CAMK1D: variants seen among roughly 807,000 people sequenced by gnomAD.
The protein encoded by CAMK1D is calcium/calmodulin-dependent protein kinase type 1D.
In CAMK1D, 9 loss-of-function variants were observed where a neutral mutation model predicts 47.7. The observed-to-expected ratio is 0.19, with a 90% CI of 0.11 to 0.33. The LOEUF (loss-of-function observed/expected upper bound fraction) is 0.33, where lower values mean the gene tolerates loss of function less well. Ranked by LOEUF, CAMK1D falls within the 10% of genes least tolerant of loss-of-function variation. The pLI is 1.00. For synonymous variants in CAMK1D, 184 were observed against 184.9 expected (o/e 0.99, Z 0.04); for missense variants, 291 against 488.7 (o/e 0.60, Z 3.81).
At chr10:12,462,718 T>TAAA (rs1293282397) in intron 1 of CAMK1D, among the ~76,000 whole-genome samples, 1 of 152,110 alleles carries the variant, frequency 6.6e-6, no homozygotes, top group Non-Finnish European at 1.5e-5. Flanking sequence ...TAGAGATGGG[T>TAAA]TCTTGCTCTG....
At chr10:12,596,041 T>TA (rs1405511439) in intron 2 of CAMK1D, among the ~76,000 whole-genome samples, 1 of 151,508 alleles carries the variant, frequency 6.6e-6, no homozygotes, top group East Asian at 1.9e-4. Context: ...TGGCAAGCAG[T>TA]AAGACACCCT....
intron 1 of CAMK1D, among the ~76,000 whole-genome samples, chr10:12,429,056 T>TTGGCCAGGAATGGGGGTATGGTG (rs1840349018): frequency 1.3e-5 from 2 of 152,198 alleles, no homozygotes; most frequent in Non-Finnish European, 2.9e-5. Flanking sequence ...GACACTCACT[T>TTGGCCAGGAATGGGGGTATGGTG]TGGCCAGGAA....
chr10:12,804,887 A>G (rs924159187), intron 6 of CAMK1D, among the ~76,000 whole-genome samples: 2 of 133,580 alleles, frequency 1.5e-5, no homozygotes, highest in South Asian at 2.6e-4. Flanking sequence ...GCAGTGAGCT[A>G]TGATCATGCC....
At chr10:12,671,037 A>G (rs928993107) in intron 3 of CAMK1D, among the ~76,000 whole-genome samples, 11 of 152,146 alleles carry the variant, frequency 7.2e-5, no homozygotes, top group African/African-American at 2.7e-4. Context: ...TTTTCATATG[A>G]ATGGAATTAT....
intron 1 of CAMK1D, chr10:12,456,650 T>A (rs1484457635): frequency 6.6e-6 from 1 of 151,426 alleles, no homozygotes; most frequent in Non-Finnish European, 1.5e-5. Flanking sequence ...TGGCGGCACG[T>A]GCCTGTTGTC....
intron 2 of CAMK1D, among the ~76,000 whole-genome samples, chr10:12,580,331 T>C (rs1307940750): frequency 1.5e-5 from 2 of 137,662 alleles, no homozygotes; most frequent in Admixed American, 7.7e-5. Flanking sequence ...CCTCCCTCCC[T>C]TCCTTCCTTT....
At chr10:12,500,747 T>C (rs1346960294) in intron 1 of CAMK1D, among the ~76,000 whole-genome samples, 2 of 152,234 alleles carry the variant, frequency 1.3e-5, no homozygotes, top group Non-Finnish European at 2.9e-5. Flanking sequence ...TTATTAGACA[T>C]GAAGTGTGGA....
rs568977960 is a variant in CAMK1D, at chr10:12,453,753, C to G, written c.93-99472C>G. On this transcript the variant is annotated intron_variant, in intron 1 of 10. Transcript: ENST00000619168. ...TACCTGAACTGCTGGTTATCCAAAA[C>G]CCCTAAAGTTTTAAATGTAACAACT... is the stretch of plus-strand genomic sequence containing the variant. Among the ~76,000 whole-genome samples the G allele has an allele frequency of 1.1e-4, 16 of 152,320 alleles. 1 individual carries two copies. Among genetic ancestry groups the G allele is most frequent in the African/African-American group, 3.6e-4 (15 of 41,574 alleles).
intron 3 of CAMK1D, among the ~76,000 whole-genome samples, chr10:12,693,193 G>A (rs76412096): frequency 0.013 from 1,974 of 152,100 alleles, 52 homozygotes; most frequent in African/African-American, 0.045. Flanking sequence ...GTGAAACCGC[G>A]TCTCTATTAA....
intron 3 of CAMK1D, among the ~76,000 whole-genome samples, chr10:12,739,028 G>A (rs1235891863): frequency 1.3e-5 from 2 of 152,028 alleles, no homozygotes; most frequent in Admixed American, 1.3e-4. Flanking sequence ...CTTGAGCCGA[G>A]AAGTTTGAGA....
intron 9 of CAMK1D, among the ~76,000 whole-genome samples, chr10:12,825,297 A>C (rs12248432): frequency 0.035 from 5,196 of 147,918 alleles, 290 homozygotes; most frequent in African/African-American, 0.12. Flanking sequence ...CACATCTCTT[A>C]AATTACAGAG....
intron 1 of CAMK1D, among the ~76,000 whole-genome samples, chr10:12,544,441 A>C (rs1836294018): frequency 6.6e-6 from 1 of 152,240 alleles, no homozygotes; most frequent in African/African-American, 2.4e-5. Context: ...ACAAGGATGA[A>C]GGTTTATAGG....
At chr10:12,806,153 G>T (rs1218258530) in intron 6 of CAMK1D, among the ~76,000 whole-genome samples, 4 of 152,232 alleles carry the variant, frequency 2.6e-5, no homozygotes, top group African/African-American at 9.6e-5. Flanking sequence ...GATTGAGGAT[G>T]CAAGGCTTCC....
chr10:12,733,950 G>A lies in CAMK1D; in HGVS notation c.300-26998G>A, dbSNP rs187420714. Reference sequence around the variant, plus strand: ...CAAGTGAGATGATCACATCATAAGTGTCTCCAAGACTGTGGATGAAGCCCC... The same window carrying A: ...CAAGTGAGATGATCACATCATAAGTATCTCCAAGACTGTGGATGAAGCCCC... On this transcript the variant is annotated intron_variant, in intron 3 of 10. Transcript: ENST00000619168. 4.2e-3 allele frequency among the ~76,000 whole-genome samples: 646 copies of A among 152,188 alleles called. 4 individuals are homozygous for A. The highest frequency in any genetic ancestry group is 0.015 in the African/African-American group (616 of 41,506).
At chr10:12,376,378 A>C (rs1411885434) in intron 1 of CAMK1D, among the ~76,000 whole-genome samples, 3 of 151,936 alleles carry the variant, frequency 2.0e-5, no homozygotes, top group Non-Finnish European at 4.4e-5. Flanking sequence ...ATTTGAACCT[A>C]GATCTGTGTG....
chr10:12,506,692 G>A (rs540392524), intron 1 of CAMK1D, among the ~76,000 whole-genome samples: 21 of 151,990 alleles, frequency 1.4e-4, no homozygotes, highest in Non-Finnish European at 2.5e-4. Flanking sequence ...CTAGTTTTTT[G>A]TATTTGTAGT....
chr10:12,495,293 C>T (rs942812188), intron 1 of CAMK1D, among the ~76,000 whole-genome samples: 1 of 152,204 alleles, frequency 6.6e-6, no homozygotes, highest in African/African-American at 2.4e-5. Context: ...TTCAGGCGAA[C>T]ATCCATTTCT....
intron 3 of CAMK1D, among the ~76,000 whole-genome samples, chr10:12,671,490 C>G (rs1423094713): frequency 6.6e-6 from 1 of 151,992 alleles, no homozygotes; most frequent in Non-Finnish European, 1.5e-5. Context: ...TTGACGATAG[C>G]CATCCTGTGG....
intron 2 of CAMK1D, among the ~76,000 whole-genome samples, chr10:12,588,368 CT>C (rs1837883674): frequency 6.6e-6 from 1 of 152,054 alleles, no homozygotes; most frequent in African/African-American, 2.4e-5. Context: ...TCCTTAAGGG[CT>C]TTTAGTCACA....
Sources: allele counts gnomAD v4.1 joint callset (sites outside exome capture counted in the v4.1 genomes callset), GRCh38; gene constraint gnomAD v4.1.1; transcripts MANE v1.5; gene names NCBI Gene and HGNC (gene_info 2026-07-23, HGNC 2026-07-21).